Variants in WDR27 observed in about 807,000 individuals in gnomAD.
WDR27 encodes the protein WD repeat-containing protein 27.
A neutral mutation model predicts 114.4 loss-of-function variants in WDR27; 100 were observed. That is an observed-to-expected ratio of 0.87 (90% CI 0.74 to 1.03). WDR27 has a LOEUF of 1.03. WDR27 is among the 50% of genes least tolerant of loss of function. WDR27 has a pLI of 0.00. For synonymous variants in WDR27, 449 were observed against 423.1 expected, an observed-to-expected ratio of 1.06 and a Z score of -0.75; for missense variants, 1,129 against 1,092.9, an observed-to-expected ratio of 1.03 and a Z score of -0.47.
intron 23 of WDR27, among the ~76,000 whole-genome samples, chr6:169,588,174 TCAC>T (rs574718214): frequency 0.01 from 1,592 of 152,270 alleles, 19 homozygotes; most frequent in Non-Finnish European, 0.013. Flanking sequence ...ACTCCTGAGC[TCAC>T]CACAACAGCA....
chr6:169,465,940 A>G (rs977088977), intron 25 of WDR27, among the ~76,000 whole-genome samples: 1 of 152,212 alleles, frequency 6.6e-6, no homozygotes, highest in African/African-American at 2.4e-5. Flanking sequence ...GGAGAGGGAT[A>G]GTGGTGGTGA....
At chr6:169,448,649 G>A in the WDR27 span, among the ~76,000 whole-genome samples, 2 of 152,202 alleles carry the variant, frequency 1.3e-5, no homozygotes, top group Non-Finnish European at 2.9e-5. Context: ...CCCCTGGTGA[G>A]AAGAGGTGAA....
intron 22 of WDR27, 79 bp from the exon 23 acceptor site, chr6:169,602,400 T>C: frequency 1.1e-6 from 1 of 918,654 alleles, no homozygotes; most frequent in South Asian, 1.7e-5. Context: ...AACAACTTGT[T>C]GCTTTTCTTC....
intron 1 of WDR27, among the ~76,000 whole-genome samples, chr6:169,691,132 G>A (rs899839305): frequency 3.5e-4 from 53 of 152,218 alleles, no homozygotes; most frequent in Middle Eastern, 3.4e-3. Context: ...GGAGAATGGC[G>A]TGAACCTGGG....
rs1176344255 is a variant in WDR27, at chr6:169,668,193, A to G, written c.457-8T>C. On this transcript the variant is annotated splice_region_variant and splice_polypyrimidine_tract_variant and intron_variant, in intron 4 of 25. Transcript: ENST00000448612. ...TGTCACAGAAAATCGCTGCTATTAA[A>G]ATAAAGCCCAAATTATTCCTCTGTT... 1.9e-6 allele frequency: 3 copies of G among 1,613,670 alleles called. No individual in the cohort carries two copies. The African/African-American group carries it at 4.0e-5, about 22-fold the overall frequency.
intron 25 of WDR27, among the ~76,000 whole-genome samples, chr6:169,563,946 G>T (rs1312717678): frequency 6.6e-6 from 1 of 152,198 alleles, no homozygotes; most frequent in Admixed American, 6.5e-5. Context: ...AGGACTCATA[G>T]GATAGATGAT....
chr6:169,476,660 T>G (rs1449821582), intron 25 of WDR27, among the ~76,000 whole-genome samples: 1 of 152,086 alleles, frequency 6.6e-6, no homozygotes, highest in African/African-American at 2.4e-5. Context: ...ATTTAAAATT[T>G]TCCCCATGGC....
chr6:169,515,929 G>T (rs1426915537), intron 25 of WDR27, among the ~76,000 whole-genome samples: 1 of 151,784 alleles, frequency 6.6e-6, no homozygotes, highest in African/African-American at 2.4e-5. Context: ...AAATTATAAA[G>T]ATCTTAATTC....
intron 25 of WDR27, among the ~76,000 whole-genome samples, chr6:169,537,499 G>A (rs760801613): frequency 3.3e-5 from 5 of 152,204 alleles, no homozygotes; most frequent in African/African-American, 9.7e-5. Flanking sequence ...AACTCCCAAA[G>A]TGGAAGAGCT....
At chr6:169,534,701 A>G (rs2128084844) in intron 25 of WDR27, among the ~76,000 whole-genome samples, 1 of 151,976 alleles carries the variant, frequency 6.6e-6, no homozygotes, top group South Asian at 2.1e-4. Flanking sequence ...ATTCATTTAT[A>G]ATTTTTAAAA....
intron 19 of WDR27, among the ~76,000 whole-genome samples, chr6:169,635,601 C>T (rs1338246810): frequency 6.6e-6 from 1 of 152,182 alleles, no homozygotes; most frequent in Non-Finnish European, 1.5e-5. Context: ...CCTTGCAAGC[C>T]CATCTATCAG....
intron 25 of WDR27, among the ~76,000 whole-genome samples, chr6:169,506,664 T>C (rs905781952): frequency 6.6e-6 from 1 of 152,246 alleles, no homozygotes; most frequent in African/African-American, 2.4e-5. Context: ...CCTACATTTA[T>C]ATCCTCAAAA....
At chr6:169,485,016 A>C (rs112589892) in intron 25 of WDR27, among the ~76,000 whole-genome samples, 4,663 of 152,246 alleles carry the variant, frequency 0.031, 210 homozygotes, top group African/African-American at 0.1. Context: ...ATACAAACAT[A>C]AACTCAAGAT....
intron 25 of WDR27, among the ~76,000 whole-genome samples, chr6:169,564,187 G>C (rs145048885): frequency 1.8e-4 from 28 of 152,240 alleles, no homozygotes; most frequent in African/African-American, 6.8e-4. Flanking sequence ...GAAGAACCTG[G>C]AGTCTGATGT....
intron 25 of WDR27, among the ~76,000 whole-genome samples, chr6:169,553,863 G>A (rs142365572): frequency 0.014 from 2,170 of 152,292 alleles, 29 homozygotes; most frequent in Middle Eastern, 0.02. Context: ...AGGCAGAATG[G>A]AGTGAGAGAA....
At chr6:169,698,704 C>T (rs557072212) in intron 1 of WDR27, among the ~76,000 whole-genome samples, 129 of 152,306 alleles carry the variant, frequency 8.5e-4, no homozygotes, top group African/African-American at 3.0e-3. Flanking sequence ...GAAAGCACAC[C>T]ATGCATGCAC....
intron 25 of WDR27, among the ~76,000 whole-genome samples, chr6:169,503,053 T>G (rs531138605): frequency 6.6e-6 from 1 of 152,256 alleles, no homozygotes; most frequent in Admixed American, 6.5e-5. Flanking sequence ...GCGGAGTACA[T>G]GGACCACAAG....
At chr6:169,503,729 C>A (rs778622957) in intron 25 of WDR27, among the ~76,000 whole-genome samples, 4 of 152,012 alleles carry the variant, frequency 2.6e-5, no homozygotes, top group Non-Finnish European at 2.9e-5. Context: ...ATTCCCACAG[C>A]CACAGAAAGT....
chr6:169,605,172 A>G (rs1808878599), intron 22 of WDR27, among the ~76,000 whole-genome samples: 1 of 150,096 alleles, frequency 6.7e-6, no homozygotes, highest in South Asian at 2.1e-4. Context: ...AGGACATCAA[A>G]TTATCCCTGC....
Sources: gnomAD v4.1 joint callset for allele counts (sites outside exome capture counted in the v4.1 genomes callset) on GRCh38, gnomAD v4.1.1 for gene constraint, MANE v1.5 for transcripts, NCBI Gene and HGNC (gene_info 2026-07-23, HGNC 2026-07-21) for gene names.